FASN: variants seen among roughly 807,000 people sequenced by gnomAD.
FASN encodes the protein 3-hydroxyacyl-[acyl-carrier-protein] dehydratase.
FASN carries 50 observed loss-of-function variants against 250.0 expected under a neutral mutation model. The observed-to-expected ratio is 0.20, with a 90% CI of 0.16 to 0.25. The LOEUF is 0.25. Among genes scored for constraint, FASN ranks in the 10% least tolerant of loss-of-function variants. The probability of loss-of-function intolerance (pLI) is 1.00; values close to 1 mark genes in which losing one functional copy is unlikely to be tolerated. For synonymous variants in FASN, 1,909 were observed against 1,584.0 expected (o/e 1.21, Z -4.87); for missense variants, 3,031 against 3,498.5 (o/e 0.87, Z 3.37).
chr17:82,085,456 CCT>C, intron 23 of FASN, 24 bp downstream of exon 23: 7 of 1,591,708 alleles, frequency 4.4e-6, no homozygotes, highest in Non-Finnish European at 6.0e-6. Flanking sequence ...CGGCCCCCAC[CCT>C]GTCCCCCTGC....
intron 5 of FASN, 23 bp from the exon 6 acceptor site, chr17:82,093,042 C>T: frequency 6.2e-7 from 1 of 1,610,682 alleles, no homozygotes; most frequent in Non-Finnish European, 8.5e-7. Context: ...GCACCTCAGG[C>T]CCGGGGCTCA....
rs1028465425 is a variant in FASN at position 82,083,419 on chromosome 17, G to A, written c.5348C>T (p.Ala1783Val). ...DLSQNHPLGM[A>V]IFLKNVTFHG... is the part of the protein sequence containing the mutation. ...GAATGTCACGTTCTTCAGGAAGATA[G>A]CCATGCCTGCGGGCAGGGGCCGTGC... Residue 1783 changes from alanine to valine, a missense_variant, in exon 32 of 43, where the codon GCT becomes GTT. By Grantham distance (64) the Ala-to-Val change is moderately conservative. Coordinates refer to ENST00000306749, the MANE Select transcript of FASN (RefSeq NM_004104.5). The A allele has an allele frequency of 1.2e-6, 2 of 1,612,728 alleles. No homozygotes were observed. The highest frequency in any genetic ancestry group is 1.7e-6 in the Non-Finnish European group (2 of 1,180,008).
At position 82,091,230 on chromosome 17, in the gene FASN, A is replaced by G. The variant is rs2034200311; in HGVS notation, c.1484T>C (p.Ile495Thr). 1 of 1,601,428 alleles carries G rather than the reference A, an allele frequency of 6.2e-7. No homozygotes were observed. The highest frequency in any genetic ancestry group is 2.2e-5 in the East Asian group (1 of 44,652). The change falls in exon 9 of 43, where the codon ATC becomes ACC. Residue 495 changes from isoleucine to threonine, a missense_variant. Ile to Thr is a moderately conservative substitution (Grantham distance 89). Coordinates refer to ENST00000306749, the MANE Select transcript of FASN (RefSeq NM_004104.5). ...GCAGAGTGTGGGCTCACCAGAGCAG[A>G]TGAACCAGAGCGGGCGCTCGCCAGC... ...VPAGERPLWF[I>T]CSGMGTQWRG...
chr17:82,098,208 G>A lies in FASN; in HGVS notation c.-95C>T. 5.4e-6 allele frequency: 2 copies of A among 367,908 alleles called. No homozygotes were observed. The allele number at this position is 367,908 out of a possible 1,614,324, so 22.8% of individuals were successfully genotyped here. A position where few individuals can be genotyped will look rare whatever the true frequency, so the allele number is the denominator to read the frequency against. On this transcript the variant is annotated 5_prime_UTR_variant, in exon 1 of 43. Transcript: ENST00000306749. The stretch of plus-strand genomic sequence containing the variant: ...GAGGCTGAAGCGCGGCGGAGAGGGA[G>A]GCCGGGGCCGCTGCCGTCTCTCTGG...
At chr17:82,096,979 T>C (rs921216454) in intron 1 of FASN, 6 of 236,750 alleles carry the variant, frequency 2.5e-5, no homozygotes, top group Non-Finnish European at 4.3e-5. Context: ...CTGGGAGCCC[T>C]AGAGGGGGGT....
intron 3 of FASN, chr17:82,094,204 C>T (rs952022017): frequency 5.1e-5 from 15 of 294,922 alleles, no homozygotes; most frequent in South Asian, 4.4e-4. Context: ...CAGAACAGGC[C>T]GTGATAAGGA....
At chr17:82,097,448 C>T (rs988886552) in intron 1 of FASN, 8 of 152,382 alleles carry the variant, frequency 5.2e-5, no homozygotes, top group African/African-American at 1.7e-4. Flanking sequence ...GGCAGTGCGG[C>T]CTCCCTTGGG....
intron 11 of FASN, among the ~76,000 whole-genome samples, chr17:82,090,078 GT>G (rs2034175813): frequency 6.6e-6 from 1 of 152,238 alleles, no homozygotes; most frequent in African/African-American, 2.4e-5. Flanking sequence ...TGACCCGTGT[GT>G]TGGCTTCACC....
rs868514644 is a variant in FASN at position 82,085,856 on chromosome 17, C to T, written c.3748G>A (p.Gly1250Ser). 6 of 1,547,324 alleles carry T rather than the reference C, an allele frequency of 3.9e-6. No homozygotes were observed. The highest frequency in any genetic ancestry group is 1.8e-4 in the Middle Eastern group (1 of 5,628). ...MKVVEVLAGH[G>S]HLYSRIPGLL... ...CCTGGGATGCGGGAATACAGGTGAC[C>T]GTGGCCAGCCAGCACCTGTAGGGGG... The change falls in exon 23 of 43, where the codon GGT (glycine) becomes AGT (serine). Residue 1250 changes from glycine to serine, a missense_variant. Transcript: ENST00000306749.
Position 82,082,046 on chromosome 17 carries a change from C to T in FASN, c.6126G>A (p.Glu2042=), listed in dbSNP as rs1415977924. The stretch of plus-strand genomic sequence containing the variant: ...CGTGCCGGCGTTTCTCACAGATACG[C>T]TCCATGGCGGAATTGGCAAAGCCGT... ...SNYGFANSAM[E]RICEKRRHEG... The change falls in exon 36 of 43, where the codon GAG becomes GAA. Residue 2042 remains glutamate (E), a synonymous_variant. Transcript: ENST00000306749. 2 of 1,610,394 alleles carry T rather than the reference C, an allele frequency of 1.2e-6. No individual in the cohort carries two copies. The highest frequency in any genetic ancestry group is 1.7e-6 in the Non-Finnish European group (2 of 1,179,974).
Position 82,087,973 on chromosome 17 carries a change from G to A in FASN, c.2847C>T (p.Asn949=), listed in dbSNP as rs753019931. The change falls in exon 18 of 43, where the codon AAC becomes AAT. Residue 949 remains asparagine (N), a synonymous_variant. Transcript: ENST00000306749. ...EASRAFEVSE[N]GNLVVSGKVY... is the part of the protein sequence containing the mutation. ...GCTTACCACTCACTACCAGGTTGCC[G>A]TTCTCTGACACCTCGAAGGCACGGG... 5.6e-6 allele frequency: 9 copies of A among 1,612,608 alleles called. No individual in the cohort carries two copies. The highest frequency in any genetic ancestry group is 5.0e-5 in the Admixed American group (3 of 60,012).
intron 1 of FASN, chr17:82,096,814 G>A (rs1475075253): frequency 2.8e-6 from 1 of 358,500 alleles, no homozygotes; most frequent in Non-Finnish European, 5.4e-6. Flanking sequence ...AAGGCTCCTG[G>A]AGCTTGTCCC....
At chr17:82,094,772 A>G (rs1417948962) in intron 3 of FASN, among the ~76,000 whole-genome samples, 1 of 151,864 alleles carries the variant, frequency 6.6e-6, no homozygotes, top group Non-Finnish European at 1.5e-5. Context: ...CTGGTGACAG[A>G]GTGAGACTCC....
rs1421888793 is a variant in FASN at position 82,085,161 on chromosome 17, A to G, written c.4288-5T>C. On this transcript the variant is annotated splice_polypyrimidine_tract_variant and splice_region_variant and intron_variant, in intron 24 of 42. Transcript: ENST00000306749. Reference sequence around the variant, plus strand: ...GTCTTCGTCAGCCAGGATGCCCTACAGCGGGTCGGGGAGGGTCAGGCCACA... The same window carrying G: ...GTCTTCGTCAGCCAGGATGCCCTACGGCGGGTCGGGGAGGGTCAGGCCACA... 1.4e-5 allele frequency: 22 copies of G among 1,610,758 alleles called. No individual in the cohort carries two copies. The highest frequency in any genetic ancestry group is 1.8e-5 in the Non-Finnish European group (21 of 1,179,382).
intron 37 of FASN, 33 bp from the exon 38 acceptor site, chr17:82,081,385 A>C: frequency 6.4e-7 from 1 of 1,560,554 alleles, no homozygotes; most frequent in Non-Finnish European, 8.7e-7. Flanking sequence ...GCAACTCCAG[A>C]GGGGGCATGG....
intron 37 of FASN, 75 bp downstream of exon 37, chr17:82,081,526 G>A (rs989614374): frequency 1.2e-4 from 189 of 1,600,190 alleles, no homozygotes; most frequent in Non-Finnish European, 1.5e-4. Flanking sequence ...GCGCACAGGG[G>A]CACGACTGCT....
Position 82,079,216 on chromosome 17 carries a change from C to CT in FASN, c.7462dup (p.Ser2488LysfsTer16). ...GATGCTGATGATGGACTCCAGGCCG[C>CT]TGCCCTCCAGCAGCGTGCGGTGGTC... On this transcript the variant is annotated frameshift_variant, in exon 43 of 43. Transcript: ENST00000306749. LOFTEE classifies it high-confidence loss of function. 1 of 1,613,004 alleles carries CT rather than the reference C, an allele frequency of 6.2e-7. No individual in the cohort carries two copies. Among genetic ancestry groups the CT allele is most frequent in the Non-Finnish European group, 8.5e-7 (1 of 1,179,964 alleles).
intron 10 of FASN, 114 bp from the exon 11 acceptor site, chr17:82,090,678 T>A: frequency 8.9e-7 from 1 of 1,126,606 alleles, no homozygotes; most frequent in Non-Finnish European, 1.3e-6. Flanking sequence ...CCCTCCCAGG[T>A]CTCCTGATAG....
Position 82,083,980 on chromosome 17 carries a change from G to A in FASN, c.5093C>T (p.Thr1698Ile). 6.5e-7 allele frequency: 1 copy of A among 1,540,660 alleles called. No individual in the cohort carries two copies. Among genetic ancestry groups the A allele is most frequent in the East Asian group, 2.4e-5 (1 of 40,866 alleles). Reference protein sequence around the residue: ...ALSLGCRVFTTVGSAEKRAYL... With the variant: ...ALSLGCRVFTIVGSAEKRAYL... The stretch of plus-strand genomic sequence containing the variant: ...CACCGGGGGCGGGGCCTTACCCACG[G>A]TGGTGAAGACGCGGCAGCCCAGACT... The change falls in exon 29 of 43, where the codon ACC (threonine) becomes ATC (isoleucine). Residue 1698 changes from threonine (T) to isoleucine (I), a missense_variant. Transcript: ENST00000306749.
Sources: allele counts gnomAD v4.1 joint callset (sites outside exome capture counted in the v4.1 genomes callset), GRCh38; gene constraint gnomAD v4.1.1; transcripts MANE v1.5; gene names NCBI Gene and HGNC (gene_info 2026-07-23, HGNC 2026-07-21).